PKNOX1: variants seen among roughly 807,000 people sequenced by gnomAD.
PKNOX1 encodes homeobox protein PKNOX1.
Under a neutral mutation model 51.9 loss-of-function variants are expected in PKNOX1, and 15 were observed. That is an observed-to-expected ratio of 0.29 (90% CI 0.19 to 0.45). PKNOX1 has a LOEUF of 0.45. Among genes scored for constraint, PKNOX1 ranks in the 20% least tolerant of loss-of-function variants. PKNOX1 has a pLI of 1.00. For synonymous variants in PKNOX1, 219 were observed against 211.1 expected (o/e 1.04, Z -0.32); for missense variants, 462 against 547.5 (o/e 0.84, Z 1.56).
chr21:43,001,387 AT>A (rs1286859674), intron 1 of PKNOX1, among the ~76,000 whole-genome samples: 4 of 152,064 alleles, frequency 2.6e-5, no homozygotes, highest in Admixed American at 6.5e-5. Context: ...TCTCCTGCTC[AT>A]TGGCAGCACC....
At chr21:42,978,750 C>T (rs2059011419) in intron 1 of PKNOX1, among the ~76,000 whole-genome samples, 1 of 151,852 alleles carries the variant, frequency 6.6e-6, no homozygotes, top group Admixed American at 6.6e-5. Context: ...TCCCAGAGTA[C>T]TGGGATTACA....
intron 8 of PKNOX1, among the ~76,000 whole-genome samples, chr21:43,022,203 G>A (rs1484928973): frequency 6.6e-6 from 1 of 152,188 alleles, no homozygotes; most frequent in South Asian, 2.1e-4. Flanking sequence ...GGCCATATCC[G>A]CCTGTGTCCC....
At chr21:43,018,021 G>C in intron 6 of PKNOX1, 112 bp from the exon 7 acceptor site, 1 of 570,366 alleles carries the variant, frequency 1.8e-6, no homozygotes, top group Non-Finnish European at 2.8e-6. Flanking sequence ...ACCAGCCTGG[G>C]CAACAAAGCA....
At chr21:43,012,748 C>T (rs1979309472) in intron 4 of PKNOX1, among the ~76,000 whole-genome samples, 1 of 152,144 alleles carries the variant, frequency 6.6e-6, no homozygotes. Flanking sequence ...GAGGGTGAGT[C>T]ACTTGTCCTG....
intron 1 of PKNOX1, among the ~76,000 whole-genome samples, chr21:42,994,918 C>CTTTTTTTTTTTTTT (rs11361350): frequency 5.3e-5 from 6 of 113,590 alleles, no homozygotes; most frequent in South Asian, 2.9e-4. Context: ...TTTCTTTCTT[C>CTTTTTTTTTTTTTT]TTTTTTTTTT....
intron 9 of PKNOX1, among the ~76,000 whole-genome samples, chr21:43,025,467 G>A (rs1979947580): frequency 6.6e-6 from 1 of 152,226 alleles, no homozygotes; most frequent in Admixed American, 6.5e-5. Flanking sequence ...CTGCTCCACA[G>A]AAGAGTCTGG....
intron 5 of PKNOX1, among the ~76,000 whole-genome samples, chr21:43,016,239 T>G (rs921479571): frequency 1.3e-5 from 2 of 152,220 alleles, no homozygotes; most frequent in Admixed American, 6.5e-5. Flanking sequence ...TCACAGTCAG[T>G]GGATAAAGTG....
intron 1 of PKNOX1, among the ~76,000 whole-genome samples, chr21:42,992,365 T>A (rs1165925360): frequency 6.6e-6 from 1 of 152,170 alleles, no homozygotes; most frequent in Admixed American, 6.6e-5. Context: ...TACATCTGTG[T>A]CCTCAACAGG....
Position 43,010,160 on chromosome 21 carries a change from T to C in PKNOX1, c.287T>C (p.Phe96Ser). Residue 96 changes from phenylalanine (F) to serine (S), a missense_variant, in exon 4 of 11, where the codon TTT (phenylalanine) becomes TCT (serine). Transcript: ENST00000291547. ...SASFDVDIEN[F>S]VRKQEKEGKP... ...AGTTTTGATGTAGACATCGAAAATT[T>C]TGTAAGAAAGCAAGAGAAGGAAGGG... The C allele has an allele frequency of 6.2e-7, 1 of 1,606,754 alleles. No individual in the cohort carries two copies. Among genetic ancestry groups the C allele is most frequent in the Non-Finnish European group, 8.5e-7 (1 of 1,175,212 alleles).
At chr21:43,020,294 G>A (rs1979695980) in intron 7 of PKNOX1, among the ~76,000 whole-genome samples, 2 of 152,086 alleles carry the variant, frequency 1.3e-5, no homozygotes, top group African/African-American at 4.8e-5. Context: ...CGGACCCTAC[G>A]GAGCGATTTT....
chr21:42,974,733 A>C (rs933064567), intron 1 of PKNOX1, 69 bp downstream of exon 1: 1 of 157,650 alleles, frequency 6.3e-6, no homozygotes, highest in African/African-American at 2.6e-5. Context: ...TATCAATCAC[A>C]CCGGCCCGCG....
intron 8 of PKNOX1, chr21:43,024,623 C>A (rs143988121): frequency 1.9e-5 from 9 of 468,158 alleles, no homozygotes; most frequent in Non-Finnish European, 3.1e-5. Flanking sequence ...TTATCGTCAC[C>A]GCTGAACCGT....
At chr21:42,987,725 TCTC>T (rs2059062325) in intron 1 of PKNOX1, among the ~76,000 whole-genome samples, 1 of 150,884 alleles carries the variant, frequency 6.6e-6, no homozygotes, top group South Asian at 2.1e-4. Context: ...TTCACGCCAT[TCTC>T]CTGCCTCAGC....
Position 43,032,798 on chromosome 21 carries a change from G to T in PKNOX1, c.*2697G>T, listed in dbSNP as rs1047879313. The stretch of plus-strand genomic sequence containing the variant: ...TAGGATAAAGATCACTTAGAGAAAG[G>T]GTGCTTATGGACATAGCCTGAGTTT... On this transcript the variant is annotated 3_prime_UTR_variant, in exon 11 of 11. Transcript: ENST00000291547. 3.3e-5 allele frequency: 5 copies of T among 152,160 alleles called. No homozygotes were observed. The highest frequency in any genetic ancestry group is 5.9e-5 in the Non-Finnish European group (4 of 68,058). 9.4% of individuals were successfully genotyped at this position (152,160 alleles called of 1,614,324 possible).
At chr21:43,026,663 A>G (rs561179345) in intron 9 of PKNOX1, among the ~76,000 whole-genome samples, 5 of 152,308 alleles carry the variant, frequency 3.3e-5, no homozygotes, top group Non-Finnish European at 7.4e-5. Context: ...AGGCTAAGGC[A>G]GTAGAATGGC....
chr21:42,993,582 C>A (rs1189286482), intron 1 of PKNOX1, among the ~76,000 whole-genome samples: 1 of 150,180 alleles, frequency 6.7e-6, no homozygotes, highest in Admixed American at 6.7e-5. Flanking sequence ...AAAGCCCTGG[C>A]AAGTCTACTG....
rs544174235 is a variant in PKNOX1, at chr21:42,978,453, CA to C, written c.-57+3791del. On this transcript the variant is annotated intron_variant, in intron 1 of 10. Transcript: ENST00000291547. Reference sequence around the variant, plus strand: ...GAAAGAAACTTCTGCTTTGCATTTACAACTTGGCTAACTTGTTTTTTTCTTT... The same window carrying C: ...GAAAGAAACTTCTGCTTTGCATTTACACTTGGCTAACTTGTTTTTTTCTTT... Among the ~76,000 whole-genome samples, 24 of 142,558 alleles carry C rather than the reference CA, an allele frequency of 1.7e-4. No individual in the cohort carries two copies. In the South Asian group the frequency reaches 5.2e-3, roughly 31 times the overall value. The allele number at this position is 142,558 out of a possible 152,430, so 93.5% of individuals were successfully genotyped here.
intron 1 of PKNOX1, among the ~76,000 whole-genome samples, chr21:42,978,458 TG>T (rs1353870857): frequency 7.4e-6 from 1 of 135,192 alleles, no homozygotes; most frequent in Non-Finnish European, 1.6e-5. Context: ...ATTTACAACT[TG>T]GCTAACTTGT....
At chr21:43,018,299 G>T (rs1979592822) in intron 7 of PKNOX1, 69 bp downstream of exon 7, 29 of 934,024 alleles carry the variant, frequency 3.1e-5, no homozygotes, top group Non-Finnish European at 4.7e-5. Flanking sequence ...GGTAGAACAA[G>T]CATGAGCCCT....
Sources: gnomAD v4.1 joint callset for allele counts (sites outside exome capture counted in the v4.1 genomes callset) on GRCh38, gnomAD v4.1.1 for gene constraint, MANE v1.5 for transcripts, NCBI Gene and HGNC (gene_info 2026-07-23, HGNC 2026-07-21) for gene names.